GRAMD2A: variants seen among roughly 807,000 people sequenced by gnomAD.
GRAMD2A encodes GRAM domain containing 2A.
Under a neutral mutation model 51.1 loss-of-function variants are expected in GRAMD2A, and 37 were observed. The ratio of observed to expected loss-of-function variants is 0.72; its 90% confidence interval spans 0.56 to 0.95. The LOEUF (loss-of-function observed/expected upper bound fraction) is 0.95, where lower values mean the gene tolerates loss of function less well. Among genes scored for constraint, GRAMD2A ranks in the 40% least tolerant of loss-of-function variants. The pLI is 0.00. For missense variants in GRAMD2A, 414 were observed against 426.9 expected, an observed-to-expected ratio of 0.97 and a Z score of 0.27; for synonymous variants, 136 against 157.1, an observed-to-expected ratio of 0.87 and a Z score of 1.01.
chr15:72,167,193 T>C, intron 5 of GRAMD2A, 101 bp from the exon 6 acceptor site: 5 of 830,892 alleles, frequency 6.0e-6, no homozygotes, highest in South Asian at 5.6e-5. Context: ...ATGGCCACCA[T>C]GGGGAAGCCT....
chr15:72,163,353 TAGAC>T lies in GRAMD2A; in HGVS notation c.865_868del (p.Val289MetfsTer16), dbSNP rs1427300106. The T allele has an allele frequency of 6.2e-7, 1 of 1,614,138 alleles. No homozygotes were observed. The highest frequency in any genetic ancestry group is 8.5e-7 in the Non-Finnish European group (1 of 1,179,966). Reference sequence around the variant, plus strand: ...CTCCTCCTCCAGCTCATCCTCCTCATAGACAGCATTCTTTGCAGTGGGAGAGCAG... The same window carrying T: ...CTCCTCCTCCAGCTCATCCTCCTCATAGCATTCTTTGCAGTGGGAGAGCAG... On this transcript the variant is annotated frameshift_variant, in exon 10 of 12. Transcript: ENST00000309731. LOFTEE classifies it high-confidence loss of function.
chr15:72,172,125 C>CT (rs1215881935), intron 1 of GRAMD2A, among the ~76,000 whole-genome samples: 179 of 146,670 alleles, frequency 1.2e-3, no homozygotes, highest in African/African-American at 2.4e-3. Context: ...CACGCCCGGC[C>CT]TTTTTTTTTT....
chr15:72,164,469 G>A (rs138177120), intron 8 of GRAMD2A, among the ~76,000 whole-genome samples: 102 of 149,058 alleles, frequency 6.8e-4, no homozygotes, highest in Non-Finnish European at 1.1e-3. Flanking sequence ...ACAGTGTTGT[G>A]ATCTTGGCTC....
intron 1 of GRAMD2A, among the ~76,000 whole-genome samples, chr15:72,193,725 G>A (rs192369835): frequency 7.5e-4 from 112 of 149,868 alleles, no homozygotes; most frequent in African/African-American, 1.3e-3. Flanking sequence ...ATGGGGTTTC[G>A]CCCTGTTAGC....
At chr15:72,177,683 C>T (rs2081664531) in intron 1 of GRAMD2A, among the ~76,000 whole-genome samples, 1 of 152,198 alleles carries the variant, frequency 6.6e-6, no homozygotes, top group African/African-American at 2.4e-5. Flanking sequence ...CGTGGGTAAA[C>T]ACTTAGGATT....
rs988124973 is a variant in GRAMD2A at position 72,195,089 on chromosome 15, C to T, written c.41+2642G>A. Among the ~76,000 whole-genome samples the T allele has an allele frequency of 2.0e-5, 3 of 152,332 alleles. No homozygotes were observed. In the East Asian group the frequency reaches 5.8e-4, roughly 29 times the overall value. ...GGCTTCACTGGCCCAAATTTTTTCA[C>T]TCCACCAAAAGATAAGGCACAGGCC... On this transcript the variant is annotated intron_variant, in intron 1 of 11. Coordinates refer to ENST00000309731, the MANE Select transcript of GRAMD2A (RefSeq NM_001012642.3).
intron 1 of GRAMD2A, among the ~76,000 whole-genome samples, chr15:72,195,327 G>C (rs2140563595): frequency 6.6e-6 from 1 of 152,352 alleles, no homozygotes; most frequent in East Asian, 1.9e-4. Flanking sequence ...AACAGGAACA[G>C]CCTGAGGCTT....
Position 72,166,960 on chromosome 15 carries a change from G to A in GRAMD2A, c.471+34C>T. On this transcript the variant is annotated intron_variant, in intron 6 of 11. Coordinates refer to ENST00000309731, the MANE Select transcript of GRAMD2A (RefSeq NM_001012642.3). This position sits in a 1 kb window ranked among gnomAD's most constrained non-coding sequence, Gnocchi z 4.1. ...TGGGCTGTCAGGGCTGGGAGCGGGA[G>A]ACTGACAAGGGAGCATGGGCCCAGT... 1.3e-6 allele frequency: 2 copies of A among 1,528,106 alleles called. No homozygotes were observed. Among genetic ancestry groups the A allele is most frequent in the African/African-American group, 1.4e-5 (1 of 73,392 alleles). The allele number at this position is 1,528,106 out of a possible 1,614,324, so 94.7% of individuals were successfully genotyped here.
At chr15:72,164,901 G>C (rs1474637248) in intron 8 of GRAMD2A, among the ~76,000 whole-genome samples, 2 of 152,208 alleles carry the variant, frequency 1.3e-5, no homozygotes, top group African/African-American at 4.8e-5. Context: ...CACTTTGGGA[G>C]GCGGAGGCCA....
Position 72,174,187 on chromosome 15 carries a change from A to C in GRAMD2A, c.42-4248T>G, listed in dbSNP as rs78544885. The stretch of plus-strand genomic sequence containing the variant: ...TGTTTATTTTGACGAATGAAAATAA[A>C]GAAATGGGAGTAGTGCCACCTGAAG... On this transcript the variant is annotated intron_variant, in intron 1 of 11. Coordinates refer to ENST00000309731, the MANE Select transcript of GRAMD2A (RefSeq NM_001012642.3). 2.4e-3 allele frequency among the ~76,000 whole-genome samples: 358 copies of C among 152,306 alleles called. 7 individuals are homozygous for C. The East Asian group carries it at 0.044, about 19-fold the overall frequency.
chr15:72,195,289 G>A (rs111788774), intron 1 of GRAMD2A, among the ~76,000 whole-genome samples: 6 of 152,312 alleles, frequency 3.9e-5, no homozygotes, highest in African/African-American at 1.2e-4. Context: ...CCCAGAAAGC[G>A]GAAGTGACTT....
At chr15:72,192,489 A>C (rs1430969391) in intron 1 of GRAMD2A, among the ~76,000 whole-genome samples, 1 of 152,242 alleles carries the variant, frequency 6.6e-6, no homozygotes, top group Non-Finnish European at 1.5e-5. Flanking sequence ...TAATTCTAAC[A>C]CATATTAGAA....
intron 10 of GRAMD2A, among the ~76,000 whole-genome samples, 193 bp downstream of exon 10, chr15:72,163,073 T>C (rs1364295947): frequency 6.6e-6 from 1 of 152,196 alleles, no homozygotes; most frequent in Non-Finnish European, 1.5e-5. Context: ...GTTTCAAGAA[T>C]AAAAACTGGA....
intron 1 of GRAMD2A, among the ~76,000 whole-genome samples, chr15:72,179,381 G>A (rs1221078930): frequency 2.0e-5 from 3 of 152,242 alleles, no homozygotes. Context: ...CCGAGATGTG[G>A]AGGTATGCAG....
intron 1 of GRAMD2A, among the ~76,000 whole-genome samples, chr15:72,191,556 A>T (rs1373923249): frequency 2.0e-5 from 3 of 152,220 alleles, no homozygotes; most frequent in African/African-American, 7.2e-5. Context: ...AAAAACTGGT[A>T]GGATTAGACT....
chr15:72,179,019 G>A (rs549746628), intron 1 of GRAMD2A, among the ~76,000 whole-genome samples: 188 of 152,340 alleles, frequency 1.2e-3, no homozygotes, highest in African/African-American at 4.3e-3. Flanking sequence ...GTAAGGGGGT[G>A]AGGCTTAGTG....
chr15:72,179,172 C>T (rs886086406), intron 1 of GRAMD2A, among the ~76,000 whole-genome samples: 3 of 152,336 alleles, frequency 2.0e-5, no homozygotes, highest in Admixed American at 6.5e-5. Context: ...CCTGTAGCAG[C>T]TTTGAGATGA....
chr15:72,180,047 C>T (rs1336490152), intron 1 of GRAMD2A, among the ~76,000 whole-genome samples: 2 of 152,236 alleles, frequency 1.3e-5, no homozygotes, highest in Non-Finnish European at 2.9e-5. Context: ...TCTTCTCCTC[C>T]CTCCACCAGA....
chr15:72,184,443 G>A lies in GRAMD2A; in HGVS notation c.41+13288C>T, dbSNP rs145588437. On this transcript the variant is annotated intron_variant, in intron 1 of 11. Transcript: ENST00000309731. The stretch of plus-strand genomic sequence containing the variant: ...CGCAGGCCGGGGAGCTGCCAGGAGT[G>A]CCGCAGCCGTGCCCCCACCTGCTGG... 2.3e-3 allele frequency among the ~76,000 whole-genome samples: 357 copies of A among 152,360 alleles called. 4 individuals are homozygous for A. In the East Asian group the frequency reaches 0.045, roughly 19 times the overall value.
Sources: gnomAD v4.1 joint callset for allele counts (sites outside exome capture counted in the v4.1 genomes callset) on GRCh38, gnomAD v4.1.1 for gene constraint, Gnocchi (gnomAD v3.1) non-coding constraint, MANE v1.5 for transcripts, NCBI Gene and HGNC (gene_info 2026-07-23, HGNC 2026-07-21) for gene names.